Variants in RMND5A observed in about 807,000 individuals in gnomAD.
The protein encoded by RMND5A is E3 ubiquitin-protein transferase RMND5A.
In RMND5A, 17 loss-of-function variants were observed where a neutral mutation model predicts 49.7. The observed-to-expected ratio is 0.34, with a 90% CI of 0.23 to 0.51. RMND5A has a LOEUF of 0.51. Ranked by LOEUF, RMND5A falls within the 20% of genes least tolerant of loss-of-function variation. The probability of loss-of-function intolerance (pLI) is 0.96; values close to 1 mark genes in which losing one functional copy is unlikely to be tolerated. For synonymous variants in RMND5A, 156 were observed against 167.7 expected, an observed-to-expected ratio of 0.93 and a Z score of 0.54; for missense variants, 255 against 471.3, an observed-to-expected ratio of 0.54 and a Z score of 4.25.
At chr2:86,764,155 A>G (rs1384405892) in intron 4 of RMND5A, among the ~76,000 whole-genome samples, 1 of 152,218 alleles carries the variant, frequency 6.6e-6, no homozygotes, top group Admixed American at 6.5e-5. Context: ...ATTCTTACCC[A>G]GTTCAGATTC....
chr2:86,754,204 C>A (rs1681690164), intron 4 of RMND5A, among the ~76,000 whole-genome samples: 1 of 152,224 alleles, frequency 6.6e-6, no homozygotes, highest in Non-Finnish European at 1.5e-5. Flanking sequence ...TATTTTACAA[C>A]CCTTTAAAAA....
chr2:86,740,953 C>CT lies in RMND5A; in HGVS notation c.172dup (p.Ser58PhefsTer9), dbSNP rs752458552. 6.2e-7 allele frequency: 1 copy of CT among 1,613,940 alleles called. No homozygotes were observed. Among genetic ancestry groups the CT allele is most frequent in the African/African-American group, 1.3e-5 (1 of 74,958 alleles). On this transcript the variant is annotated frameshift_variant, in exon 2 of 9. Coordinates refer to ENST00000283632, the MANE Select transcript of RMND5A (RefSeq NM_022780.4). LOFTEE classifies it high-confidence loss of function. The stretch of plus-strand genomic sequence containing the variant: ...CCAAGATGCTGAATTATCAGGGACA[C>CT]TTTCACTTGTTTTGACACAGTGCTG...
Position 86,775,026 on chromosome 2 carries a change from G to A in RMND5A, c.*1615G>A, listed in dbSNP as rs1470491348. ...CCAGGCCTATGTGGATGGCTACTCC[G>A]TGCTGTGCGGCTTCACCAGCGGTTG... is the stretch of plus-strand genomic sequence containing the variant. On this transcript the variant is annotated 3_prime_UTR_variant, in exon 9 of 9. Transcript: ENST00000283632. The A allele has an allele frequency of 2.0e-5, 3 of 152,684 alleles. No individual in the cohort carries two copies. The highest frequency in any genetic ancestry group is 2.4e-5 in the African/African-American group (1 of 41,440). The allele number at this position is 152,684 out of a possible 1,614,324, so 9.5% of individuals were successfully genotyped here. A position where few individuals can be genotyped will look rare whatever the true frequency, so the allele number is the denominator to read the frequency against.
rs775421510 is a variant in RMND5A, at chr2:86,765,212, G to A, written c.688+19G>A. ...CAAAAAGGTGAGTCTAGAGTCAGAT[G>A]TTATTAATGTTTGAAACAGGGCTAT... On this transcript the variant is annotated intron_variant, in intron 5 of 8. Transcript: ENST00000283632. The A allele has an allele frequency of 8.1e-6, 12 of 1,483,386 alleles. No homozygotes were observed. The South Asian group carries it at 1.3e-4, about 16-fold the overall frequency. The allele number at this position is 1,483,386 out of a possible 1,614,324, so 91.9% of individuals were successfully genotyped here.
In RMND5A at chr2:86,777,025, G is replaced by T. The variant is rs1672782211; in HGVS notation, c.*3614G>T. 1 of 152,186 alleles carries T rather than the reference G, an allele frequency of 6.6e-6. No individual in the cohort carries two copies. The highest frequency in any genetic ancestry group is 6.5e-5 in the Admixed American group (1 of 15,282). 9.4% of individuals were successfully genotyped at this position (152,186 alleles called of 1,614,324 possible). On this transcript the variant is annotated 3_prime_UTR_variant, in exon 9 of 9. Coordinates refer to ENST00000283632, the MANE Select transcript of RMND5A (RefSeq NM_022780.4). ...GTTCTTAATGAACTATAATTGAATA[G>T]ATACCAAAAATAGAATGACAAATGT... is the stretch of plus-strand genomic sequence containing the variant.
At chr2:86,773,301 A>G in intron 8 of RMND5A, 47 bp from the exon 9 acceptor site, 1 of 1,064,236 alleles carries the variant, frequency 9.4e-7, no homozygotes, top group Non-Finnish European at 1.4e-6. Flanking sequence ...TTGAATACAC[A>G]GTACTGAGCC....
chr2:86,748,532 C>A (rs1371656332), intron 2 of RMND5A: 1 of 152,110 alleles, frequency 6.6e-6, no homozygotes, highest in Non-Finnish European at 1.5e-5. Context: ...TAGTAGTGAC[C>A]ATAGTAAGCC....
At chr2:86,760,052 T>C (rs1271577556) in intron 4 of RMND5A, among the ~76,000 whole-genome samples, 1 of 148,216 alleles carries the variant, frequency 6.7e-6, no homozygotes, top group African/African-American at 2.5e-5. Flanking sequence ...GTTTGTATTC[T>C]TTTTTTTTTG....
intron 4 of RMND5A, among the ~76,000 whole-genome samples, chr2:86,761,965 T>C (rs879500182): frequency 2.0e-5 from 3 of 152,238 alleles, no homozygotes; most frequent in Non-Finnish European, 2.9e-5. Flanking sequence ...TTATAGCTTA[T>C]AAAGCTTAAA....
Position 86,773,503 on chromosome 2 carries a change from C to A in RMND5A, c.*92C>A. ...TCCATATAATGCAGCTAACCAAGGA[C>A]TCCTGTGTTTCTATAAGCTAATGCT... On this transcript the variant is annotated 3_prime_UTR_variant, in exon 9 of 9. Transcript: ENST00000283632. 2.5e-6 allele frequency: 2 copies of A among 807,320 alleles called. No homozygotes were observed. Among genetic ancestry groups the A allele is most frequent in the African/African-American group, 1.7e-5 (1 of 59,070 alleles). 50.0% of individuals were successfully genotyped at this position (807,320 alleles called of 1,614,324 possible). A position where few individuals can be genotyped will look rare whatever the true frequency, so the allele number is the denominator to read the frequency against.
intron 5 of RMND5A, 24 bp downstream of exon 5, chr2:86,765,217 T>G: frequency 8.8e-7 from 1 of 1,131,736 alleles, no homozygotes; most frequent in Non-Finnish European, 1.3e-6. Flanking sequence ...CAGATGTTAT[T>G]AATGTTTGAA....
chr2:86,757,651 C>CT (rs1681766826), intron 4 of RMND5A, among the ~76,000 whole-genome samples: 1 of 152,212 alleles, frequency 6.6e-6, no homozygotes, highest in Non-Finnish European at 1.5e-5. Flanking sequence ...AAAGAAAGCA[C>CT]TATCTTTAGG....
intron 2 of RMND5A, among the ~76,000 whole-genome samples, chr2:86,750,573 T>C (rs544657023): frequency 1.3e-4 from 20 of 152,324 alleles, no homozygotes; most frequent in Non-Finnish European, 2.5e-4. Context: ...GAATGTGAGA[T>C]GTTTGGGTCA....
intron 2 of RMND5A, among the ~76,000 whole-genome samples, chr2:86,751,585 C>G (rs915031149): frequency 2.0e-5 from 3 of 152,214 alleles, no homozygotes; most frequent in Non-Finnish European, 4.4e-5. Flanking sequence ...TACAGGTCAT[C>G]ATTGCATTCC....
intron 2 of RMND5A, among the ~76,000 whole-genome samples, chr2:86,747,517 A>G (rs957218190): frequency 1.3e-5 from 2 of 152,196 alleles, no homozygotes; most frequent in Non-Finnish European, 2.9e-5. Context: ...CTGCTAAACC[A>G]GATTAACTGG....
rs915329037 is a variant in RMND5A, at chr2:86,776,504, C to T, written c.*3093C>T. 2.6e-5 allele frequency: 4 copies of T among 152,158 alleles called. No homozygotes were observed. Among genetic ancestry groups the T allele is most frequent in the Admixed American group, 6.5e-5 (1 of 15,274 alleles). The allele number at this position is 152,158 out of a possible 1,614,324, so 9.4% of individuals were successfully genotyped here. ...ATGAGGATCCTGATCCTCTTTTGTC[C>T]TCTCCAGGTAGTCTCGCAGGTTATG... On this transcript the variant is annotated 3_prime_UTR_variant, in exon 9 of 9. Transcript: ENST00000283632.
In RMND5A at chr2:86,763,799, T is replaced by C. The variant is rs543045933; in HGVS notation, c.522-1228T>C. On this transcript the variant is annotated intron_variant, in intron 4 of 8. Coordinates refer to ENST00000283632, the MANE Select transcript of RMND5A (RefSeq NM_022780.4). ...TCCAAAAAAAAAAAAAGTACATTAT[T>C]GTCAGCAGGTTTACCTGACTTGGTG... Among the ~76,000 whole-genome samples, 7 of 152,244 alleles carry C rather than the reference T, an allele frequency of 4.6e-5. No homozygotes were observed. In the East Asian group the frequency reaches 1.4e-3, roughly 29 times the overall value.
intron 6 of RMND5A, among the ~76,000 whole-genome samples, chr2:86,766,691 A>G (rs891408469): frequency 6.6e-6 from 1 of 151,744 alleles, no homozygotes; most frequent in East Asian, 1.9e-4. Flanking sequence ...AAGAAAAGAA[A>G]AAAAGAATAT....
In RMND5A at chr2:86,770,069, G is replaced by T. The variant is rs145345215; in HGVS notation, c.901G>T (p.Ala301Ser). ...VALPALINIK[A>S]VIEQRQCTGV... ...GCTGCCAGCTTTAATTAACATCAAAGCCGTGATTGAACAGAGGCAGTGTAC... is the reference window on the plus strand; with the variant it reads ...GCTGCCAGCTTTAATTAACATCAAATCCGTGATTGAACAGAGGCAGTGTAC... Residue 301 changes from alanine to serine, a missense_variant, in exon 7 of 9, where the codon GCC (alanine) becomes TCC (serine). Physicochemically the swap from Ala to Ser is moderately conservative, Grantham distance 99. Transcript: ENST00000283632. 1 of 1,613,928 alleles carries T rather than the reference G, an allele frequency of 6.2e-7. No homozygotes were observed. Among genetic ancestry groups the T allele is most frequent in the Non-Finnish European group, 8.5e-7 (1 of 1,179,970 alleles).
Sources: allele counts gnomAD v4.1 joint callset (sites outside exome capture counted in the v4.1 genomes callset), GRCh38; gene constraint gnomAD v4.1.1; transcripts MANE v1.5; gene names NCBI Gene and HGNC (gene_info 2026-07-23, HGNC 2026-07-21).